SCHIP1: variants seen among roughly 807,000 people sequenced by gnomAD.
SCHIP1 encodes the protein schwannomin-interacting protein 1.
SCHIP1 carries 8 observed loss-of-function variants against 29.7 expected under a neutral mutation model. The observed-to-expected ratio is 0.27, with a 90% CI of 0.16 to 0.49. The LOEUF (loss-of-function observed/expected upper bound fraction) is 0.49. SCHIP1 is among the 20% of genes least tolerant of loss of function. SCHIP1 has a pLI of 0.99. For synonymous variants in SCHIP1, 76 were observed against 94.9 expected, an observed-to-expected ratio of 0.80 and a Z score of 1.16; for missense variants, 193 against 294.6, an observed-to-expected ratio of 0.66 and a Z score of 2.52.
At chr3:159,504,704 G>GT in the SCHIP1 span, among the ~76,000 whole-genome samples, 1 of 152,092 alleles carries the variant, frequency 6.6e-6, no homozygotes, top group Non-Finnish European at 1.5e-5. Flanking sequence ...GCTTTATGTA[G>GT]AGAATCAATA....
the SCHIP1 span, among the ~76,000 whole-genome samples, chr3:159,503,211 A>G: frequency 6.6e-6 from 1 of 152,260 alleles, no homozygotes; most frequent in East Asian, 1.9e-4. Flanking sequence ...AAGGTGCCTC[A>G]CTTCATTTGG....
chr3:159,759,935 A>G, the SCHIP1 span, among the ~76,000 whole-genome samples: 1 of 152,204 alleles, frequency 6.6e-6, no homozygotes, highest in African/African-American at 2.4e-5. Flanking sequence ...GCCTTTACAG[A>G]TTAAAATCCT....
chr3:159,275,521 G>A, the SCHIP1 span, among the ~76,000 whole-genome samples: 195 of 152,224 alleles, frequency 1.3e-3, 2 homozygotes, highest in Middle Eastern at 3.4e-3. Flanking sequence ...TTTGATCTTT[G>A]TCTCTGTCTC....
chr3:159,896,856 A>G, exon 7 of SCHIP1: 1 of 1,411,082 alleles, frequency 7.1e-7, no homozygotes, highest in East Asian at 2.6e-5. Flanking sequence ...AAGGTGGCGC[A>G]GAAACAAATA....
At chr3:159,778,382 A>T in the SCHIP1 span, among the ~76,000 whole-genome samples, 2 of 152,162 alleles carry the variant, frequency 1.3e-5, no homozygotes, top group Non-Finnish European at 2.9e-5. Flanking sequence ...TAGTACACAG[A>T]GTTCTCAAAT....
At chr3:159,373,637 A>C in the SCHIP1 span, among the ~76,000 whole-genome samples, 2 of 152,078 alleles carry the variant, frequency 1.3e-5, no homozygotes, top group Non-Finnish European at 2.9e-5. Flanking sequence ...TTAAGTTTCT[A>C]CATGTAAATG....
At chr3:159,287,459 G>T in the SCHIP1 span, among the ~76,000 whole-genome samples, 1 of 151,580 alleles carries the variant, frequency 6.6e-6, no homozygotes, top group Non-Finnish European at 1.5e-5. Flanking sequence ...CATAATTATT[G>T]CTTTATTATC....
the SCHIP1 span, among the ~76,000 whole-genome samples, chr3:159,448,163 G>A: frequency 1.3e-5 from 2 of 152,164 alleles, no homozygotes; most frequent in Non-Finnish European, 2.9e-5. Flanking sequence ...GTTCATGAGT[G>A]CGTAAGAGTT....
At chr3:159,854,331 C>T (rs1109156) in intron 1 of SCHIP1, among the ~76,000 whole-genome samples, 32,997 of 152,026 alleles carry the variant, frequency 0.22, 3,805 homozygotes, top group African/African-American at 0.27. Flanking sequence ...GTGATAGATC[C>T]TTACGTATAG....
the SCHIP1 span, among the ~76,000 whole-genome samples, chr3:159,758,631 C>G: frequency 1.4e-4 from 21 of 152,200 alleles, no homozygotes; most frequent in African/African-American, 4.8e-4. Flanking sequence ...GTCAAGAGAG[C>G]ACATTTCCTA....
the SCHIP1 span, among the ~76,000 whole-genome samples, chr3:159,432,001 A>G: frequency 6.6e-6 from 1 of 151,930 alleles, no homozygotes; most frequent in East Asian, 1.9e-4. Context: ...AAGCAGTAGT[A>G]TAAAACTATA....
chr3:159,280,184 T>C, the SCHIP1 span, among the ~76,000 whole-genome samples: 3 of 152,304 alleles, frequency 2.0e-5, no homozygotes, highest in East Asian at 5.8e-4. Context: ...TGATGTCACA[T>C]TAGATCTTCT....
chr3:159,314,258 G>A, the SCHIP1 span, among the ~76,000 whole-genome samples: 12 of 152,234 alleles, frequency 7.9e-5, no homozygotes, highest in African/African-American at 2.2e-4. Flanking sequence ...TAATTTTGTC[G>A]TAAGCTTGAG....
chr3:159,513,591 A>G, the SCHIP1 span, among the ~76,000 whole-genome samples: 3 of 152,180 alleles, frequency 2.0e-5, no homozygotes, highest in African/African-American at 7.2e-5. Context: ...TGGCCCTCAC[A>G]TGACTTCCTC....
the SCHIP1 span, among the ~76,000 whole-genome samples, chr3:159,654,512 T>A: frequency 3.9e-5 from 6 of 152,068 alleles, no homozygotes; most frequent in Non-Finnish European, 8.8e-5. Context: ...CCCCCACTTA[T>A]ATATATTATC....
chr3:159,445,249 T>C, the SCHIP1 span, among the ~76,000 whole-genome samples: 1 of 152,004 alleles, frequency 6.6e-6, no homozygotes, highest in Non-Finnish European at 1.5e-5. Flanking sequence ...AAGAAGACAT[T>C]TAGGCAGCCA....
the SCHIP1 span, among the ~76,000 whole-genome samples, chr3:159,761,300 T>C: frequency 2.0e-5 from 3 of 152,178 alleles, no homozygotes; most frequent in Admixed American, 2.0e-4. Context: ...GAGAGGGATC[T>C]TGTACTTACG....
chr3:159,403,401 AAC>A, the SCHIP1 span, among the ~76,000 whole-genome samples: 1 of 152,160 alleles, frequency 6.6e-6, no homozygotes, highest in African/African-American at 2.4e-5. Flanking sequence ...GGACAGAAAA[AAC>A]AGTCTCGAAT....
At chr3:159,598,932 A>G in the SCHIP1 span, among the ~76,000 whole-genome samples, 1 of 152,088 alleles carries the variant, frequency 6.6e-6, no homozygotes, top group Admixed American at 6.6e-5. Context: ...TTGCTTTTTC[A>G]TTATATAATG....
Sources: gnomAD v4.1 joint callset for allele counts (sites outside exome capture counted in the v4.1 genomes callset) on GRCh38, gnomAD v4.1.1 for gene constraint, MANE v1.5 for transcripts, NCBI Gene and HGNC (gene_info 2026-07-23, HGNC 2026-07-21) for gene names.